MRPS6: variants seen among roughly 807,000 people sequenced by gnomAD.
MRPS6 encodes small ribosomal subunit protein bS6m.
MRPS6 carries 6 observed loss-of-function variants against 13.1 expected under a neutral mutation model. The observed-to-expected ratio is 0.46, with a 90% CI of 0.25 to 0.91. The LOEUF (loss-of-function observed/expected upper bound fraction) is 0.91. MRPS6 is among the 40% of genes least tolerant of loss of function. The pLI, the probability that MRPS6 is intolerant of heterozygous loss-of-function variation, is 0.18. For synonymous variants in MRPS6, 61 were observed against 56.5 expected (o/e 1.08, Z -0.36); for missense variants, 164 against 155.6 (o/e 1.05, Z -0.29).
At chr21:34,074,552 G>C (rs1022721609) in intron 1 of MRPS6, among the ~76,000 whole-genome samples, 1 of 152,212 alleles carries the variant, frequency 6.6e-6, no homozygotes, top group Non-Finnish European at 1.5e-5. Context: ...CCAAGGACAG[G>C]GGCCCGCGGC....
chr21:34,118,921 A>G lies in MRPS6; in HGVS notation c.46-6420A>G, dbSNP rs547716496. Among the ~76,000 whole-genome samples the G allele has an allele frequency of 1.5e-3, 225 of 152,324 alleles. 1 individual carries two copies. Among genetic ancestry groups the G allele is most frequent in the African/African-American group, 5.2e-3 (215 of 41,584 alleles). On this transcript the variant is annotated intron_variant, in intron 1 of 2. Coordinates refer to ENST00000399312, the MANE Select transcript of MRPS6 (RefSeq NM_032476.4). ...TCTATCTTTGACCTTTACAAAGCCT[A>G]TAAAGGTTACTTTTCTAGTCACTTC...
chr21:34,130,317 A>T (rs527574371), intron 2 of MRPS6, among the ~76,000 whole-genome samples: 1 of 152,368 alleles, frequency 6.6e-6, no homozygotes, highest in East Asian at 1.9e-4. Context: ...GGGCACTGTC[A>T]GAAAATACAG....
intron 1 of MRPS6, among the ~76,000 whole-genome samples, chr21:34,088,042 T>TC (rs1270116405): frequency 1.3e-5 from 2 of 152,162 alleles, no homozygotes; most frequent in Non-Finnish European, 2.9e-5. Context: ...AGCAAATTAT[T>TC]CATACCCCGG....
chr21:34,085,103 A>G (rs1012650618), intron 1 of MRPS6, among the ~76,000 whole-genome samples: 4 of 152,198 alleles, frequency 2.6e-5, no homozygotes, highest in African/African-American at 9.7e-5. Context: ...AATAGTTTTT[A>G]GTGTTTTAAT....
rs1978953813 is a variant in MRPS6 at position 34,096,105 on chromosome 21, G to A, written c.45+22360G>A. On this transcript the variant is annotated intron_variant, in intron 1 of 2. Transcript: ENST00000399312. The surrounding 1 kb of genome is among the most constrained non-coding windows in gnomAD (Gnocchi z 5.9). Reference sequence around the variant, plus strand: ...TGCCAAAGGCTCTACTCTTATGGCTGGCTTCTTAAAGCTCCTGCCAATGTT... The same window carrying A: ...TGCCAAAGGCTCTACTCTTATGGCTAGCTTCTTAAAGCTCCTGCCAATGTT... 6.2e-7 allele frequency: 1 copy of A among 1,613,938 alleles called. No individual in the cohort carries two copies. The highest frequency in any genetic ancestry group is 1.3e-5 in the African/African-American group (1 of 74,888).
At chr21:34,132,641 T>C (rs1980545926) in intron 2 of MRPS6, among the ~76,000 whole-genome samples, 1 of 152,172 alleles carries the variant, frequency 6.6e-6, no homozygotes, top group Non-Finnish European at 1.5e-5. Flanking sequence ...AGAGATACAG[T>C]ATACAGAGTG....
chr21:34,140,213 G>T, intron 2 of MRPS6, among the ~76,000 whole-genome samples: 1 of 149,680 alleles, frequency 6.7e-6, no homozygotes. Context: ...TGAGACTATT[G>T]ATTCGAGGCC....
chr21:34,096,177 G>A lies in MRPS6; in HGVS notation c.45+22432G>A. On this transcript the variant is annotated intron_variant, in intron 1 of 2. Coordinates refer to ENST00000399312, the MANE Select transcript of MRPS6 (RefSeq NM_032476.4). This position sits in a 1 kb window ranked among gnomAD's most constrained non-coding sequence, Gnocchi z 5.9. ...GATTTCCAGGATACTGTTTACTGAT[G>A]ATATAGCTTGCATCAACCCAGAGCA... 6.2e-7 allele frequency: 1 copy of A among 1,614,176 alleles called. No individual in the cohort carries two copies. The highest frequency in any genetic ancestry group is 8.5e-7 in the Non-Finnish European group (1 of 1,180,012).
intron 1 of MRPS6, chr21:34,101,614 A>G: frequency 2.0e-6 from 2 of 1,000,198 alleles, no homozygotes; most frequent in Non-Finnish European, 2.4e-6. Flanking sequence ...TCTTTTCAGC[A>G]CTTAGCAAAT....
chr21:34,119,284 C>T (rs752481231), intron 1 of MRPS6, among the ~76,000 whole-genome samples: 25 of 152,184 alleles, frequency 1.6e-4, no homozygotes, highest in Non-Finnish European at 3.1e-4. Flanking sequence ...CCAAGGTCTG[C>T]TAGAACTTCA....
chr21:34,081,640 G>C (rs1358352794), intron 1 of MRPS6, among the ~76,000 whole-genome samples: 1 of 152,118 alleles, frequency 6.6e-6, no homozygotes, highest in Admixed American at 6.5e-5. Context: ...TAACCTTCTG[G>C]ATCCTCAGTT....
chr21:34,073,772 C>A (rs201282811), intron 1 of MRPS6, 27 bp downstream of exon 1: 2 of 1,472,190 alleles, frequency 1.4e-6, no homozygotes, highest in Non-Finnish European at 1.8e-6. Context: ...CAGAGCCGGT[C>A]TTCCCGCGCG....
intron 1 of MRPS6, among the ~76,000 whole-genome samples, chr21:34,083,775 G>A (rs1233460002): frequency 6.6e-6 from 1 of 152,196 alleles, no homozygotes; most frequent in Non-Finnish European, 1.5e-5. Flanking sequence ...GACTAAGTAA[G>A]GGCCAGGAGA....
chr21:34,139,717 A>G (rs952546322), intron 2 of MRPS6, among the ~76,000 whole-genome samples: 1 of 152,026 alleles, frequency 6.6e-6, no homozygotes, highest in Non-Finnish European at 1.5e-5. Flanking sequence ...AGCTGGGACT[A>G]CAGGCACACA....
chr21:34,100,506 C>A, intron 1 of MRPS6: 1 of 1,000,236 alleles, frequency 1.0e-6, no homozygotes, highest in Non-Finnish European at 1.2e-6. Context: ...TTCAATAGAT[C>A]TCATCTCCTA....
intron 1 of MRPS6, among the ~76,000 whole-genome samples, chr21:34,086,277 G>A (rs1602914053): frequency 6.6e-6 from 1 of 152,244 alleles, no homozygotes; most frequent in East Asian, 1.9e-4. Context: ...CATCAAGAGG[G>A]ACACATGTCT....
At chr21:34,073,785 CGCCCCCGCTG>C in intron 1 of MRPS6, 40 bp downstream of exon 1, 1 of 1,426,000 alleles carries the variant, frequency 7.0e-7, no homozygotes, top group Non-Finnish European at 9.3e-7. Flanking sequence ...CCCGCGCGGG[CGCCCCCGCTG>C]CCGCTAGGCC....
Position 34,096,079 on chromosome 21 carries a change from A to T in MRPS6, c.45+22334A>T. On this transcript the variant is annotated intron_variant, in intron 1 of 2. Coordinates refer to ENST00000399312, the MANE Select transcript of MRPS6 (RefSeq NM_032476.4). This position sits in a 1 kb window ranked among gnomAD's most constrained non-coding sequence, Gnocchi z 5.9. ...GTCCTTGCAGCCAAAAACATTGCTC[A>T]TGCCAAAGGCTCTACTCTTATGGCT... The T allele has an allele frequency of 6.2e-7, 1 of 1,614,136 alleles. No homozygotes were observed. Among genetic ancestry groups the T allele is most frequent in the Non-Finnish European group, 8.5e-7 (1 of 1,180,000 alleles).
chr21:34,100,804 C>CT, intron 1 of MRPS6: 1 of 1,000,216 alleles, frequency 1.0e-6, no homozygotes, highest in Non-Finnish European at 1.2e-6. Context: ...TCCCCTCTGA[C>CT]TTTGAATATC....
Sources: gnomAD v4.1 joint callset for allele counts (sites outside exome capture counted in the v4.1 genomes callset) on GRCh38, gnomAD v4.1.1 for gene constraint, Gnocchi (gnomAD v3.1) non-coding constraint, MANE v1.5 for transcripts, NCBI Gene and HGNC (gene_info 2026-07-23, HGNC 2026-07-21) for gene names.